The following REEP1 variants were observed in gnomAD, a reference collection of about 807,000 sequenced individuals.
REEP1 encodes the protein receptor expression-enhancing protein 1.
Under a neutral mutation model 40.3 loss-of-function variants are expected in REEP1, and 22 were observed. The observed-to-expected ratio is 0.55, with a 90% confidence interval of 0.39 to 0.78. REEP1 has a LOEUF of 0.78. REEP1 is among the 30% of genes least tolerant of loss of function. The pLI, the probability that REEP1 is intolerant of heterozygous loss-of-function variation, is 0.00. For missense variants in REEP1, 280 were observed against 361.1 expected, an observed-to-expected ratio of 0.78 and a Z score of 1.82; for synonymous variants, 116 against 139.2, an observed-to-expected ratio of 0.83 and a Z score of 1.17.
chr2:86,324,598 G>A (rs932971444), intron 1 of REEP1, among the ~76,000 whole-genome samples: 6 of 152,136 alleles, frequency 3.9e-5, no homozygotes, highest in African/African-American at 1.2e-4. Context: ...TTGCCAAGCC[G>A]GACATCAAGA....
chr2:86,307,545 T>C (rs1018522596), intron 1 of REEP1, among the ~76,000 whole-genome samples: 2 of 152,172 alleles, frequency 1.3e-5, no homozygotes, highest in African/African-American at 2.4e-5. Flanking sequence ...GGAGGATCAC[T>C]TGAGCCCAAA....
chr2:86,317,570 G>A (rs557048791), intron 1 of REEP1, among the ~76,000 whole-genome samples: 2 of 152,270 alleles, frequency 1.3e-5, no homozygotes, highest in Non-Finnish European at 2.9e-5. Flanking sequence ...ACCAATGAAA[G>A]GTAAAACTGC....
intron 1 of REEP1, among the ~76,000 whole-genome samples, chr2:86,320,038 G>T (rs1680210514): frequency 6.6e-6 from 1 of 152,202 alleles, no homozygotes; most frequent in Non-Finnish European, 1.5e-5. Context: ...ATAAATTTTT[G>T]TCAGTTTAAG....
chr2:86,276,170 C>T (rs149959253), intron 2 of REEP1, among the ~76,000 whole-genome samples: 1 of 152,306 alleles, frequency 6.6e-6, no homozygotes, highest in Non-Finnish European at 1.5e-5. Flanking sequence ...CCAAGGCTGA[C>T]CTGGCCACAA....
chr2:86,337,465 A>G lies in REEP1; in HGVS notation c.32+14T>C. 1 of 1,275,646 alleles carries G rather than the reference A, an allele frequency of 7.8e-7. No individual in the cohort carries two copies. The highest frequency in any genetic ancestry group is 3.6e-5 in the Admixed American group (1 of 27,768). 79.0% of individuals were successfully genotyped at this position (1,275,646 alleles called of 1,614,324 possible). A position where few individuals can be genotyped will look rare whatever the true frequency, so the allele number is the denominator to read the frequency against. On this transcript the variant is annotated intron_variant, in intron 1 of 8. Coordinates refer to ENST00000538924, the MANE Select transcript of REEP1 (RefSeq NM_001371279.1). The surrounding 1 kb of genome is among the most constrained non-coding windows in gnomAD (Gnocchi z 5.8). ...GGGAGGGGACGGAGGGGCGCGGGGG[A>G]GAAGGCCACTTACACCACCAGCCTG...
intron 6 of REEP1, among the ~76,000 whole-genome samples, chr2:86,232,267 T>C (rs1026368166): frequency 2.0e-5 from 3 of 152,186 alleles, no homozygotes; most frequent in Non-Finnish European, 4.4e-5. Flanking sequence ...CCCCGGAGTC[T>C]GAGAAGACAA....
At position 86,327,052 on chromosome 2, in the gene REEP1, G is replaced by T. The variant is rs182950710; in HGVS notation, c.32+10427C>A. Among the ~76,000 whole-genome samples, 332 of 152,308 alleles carry T rather than the reference G, an allele frequency of 2.2e-3. 1 individual carries two copies. Among genetic ancestry groups the T allele is most frequent in the Non-Finnish European group, 4.1e-3 (278 of 68,028 alleles). On this transcript the variant is annotated intron_variant, in intron 1 of 8. Coordinates refer to ENST00000538924, the MANE Select transcript of REEP1 (RefSeq NM_001371279.1). The stretch of plus-strand genomic sequence containing the variant: ...CATCTTCCTTGTCTGTCGAACAAGG[G>T]CATGACATCACCAAGACTCCTTCTA...
At chr2:86,265,984 A>G (rs1267485381) in intron 2 of REEP1, among the ~76,000 whole-genome samples, 8 of 152,254 alleles carry the variant, frequency 5.3e-5, no homozygotes. Context: ...GGTTTCCACA[A>G]TGAATCACAC....
Position 86,261,439 on chromosome 2 carries a change from C to T in REEP1, c.182+2526G>A, listed in dbSNP as rs147162788. Among the ~76,000 whole-genome samples the T allele has an allele frequency of 1.5e-3, 225 of 152,294 alleles. 2 individuals carry two copies. The highest frequency in any genetic ancestry group is 0.014 in the Middle Eastern group (4 of 294). ...TAATCTATAACCTTACCCCCAACCC[C>T]GTGCTCTCTGAAACATGTGCTGTGT... is the stretch of plus-strand genomic sequence containing the variant. On this transcript the variant is annotated intron_variant, in intron 3 of 8. Coordinates refer to ENST00000538924, the MANE Select transcript of REEP1 (RefSeq NM_001371279.1).
chr2:86,222,589 T>C (rs556899029), intron 7 of REEP1, among the ~76,000 whole-genome samples: 2 of 152,332 alleles, frequency 1.3e-5, no homozygotes, highest in East Asian at 3.9e-4. Flanking sequence ...TTAATAATTG[T>C]ATTTCCCTCT....
At chr2:86,228,704 C>T (rs976003277) in intron 6 of REEP1, among the ~76,000 whole-genome samples, 1 of 152,138 alleles carries the variant, frequency 6.6e-6, no homozygotes, top group Non-Finnish European at 1.5e-5. Context: ...GTGATCCACC[C>T]GCCTTGGCCT....
chr2:86,332,725 C>A (rs1680834585), intron 1 of REEP1, among the ~76,000 whole-genome samples: 1 of 152,220 alleles, frequency 6.6e-6, no homozygotes, highest in African/African-American at 2.4e-5. Context: ...TACTTCTCAG[C>A]AGACAGGCAG....
intron 1 of REEP1, among the ~76,000 whole-genome samples, chr2:86,326,833 C>T (rs1281637588): frequency 6.6e-6 from 1 of 152,234 alleles, no homozygotes; most frequent in African/African-American, 2.4e-5. Context: ...CTACTGGAAA[C>T]CTTTTCCTTC....
At chr2:86,295,067 C>T (rs150210288) in intron 1 of REEP1, among the ~76,000 whole-genome samples, 3 of 152,264 alleles carry the variant, frequency 2.0e-5, no homozygotes, top group African/African-American at 7.2e-5. Context: ...AGAAAAAAAG[C>T]AAGCTGGAAA....
chr2:86,262,210 C>A (rs1676900198), intron 3 of REEP1, among the ~76,000 whole-genome samples: 1 of 152,224 alleles, frequency 6.6e-6, no homozygotes, highest in Non-Finnish European at 1.5e-5. Context: ...TTTTCCAAGT[C>A]TCTCGTTCCA....
intron 1 of REEP1, among the ~76,000 whole-genome samples, chr2:86,306,755 C>T (rs60237707): frequency 0.03 from 4,585 of 152,212 alleles, 119 homozygotes; most frequent in East Asian, 0.07. Flanking sequence ...TATTCAGAGG[C>T]CAGGGCAGAG....
In REEP1 at chr2:86,216,827, A is replaced by C. The variant is rs548390243; in HGVS notation, c.*212T>G. The C allele has an allele frequency of 1.8e-6, 1 of 551,072 alleles. No individual in the cohort carries two copies. The highest frequency in any genetic ancestry group is 1.9e-5 in the African/African-American group (1 of 52,722). The allele number at this position is 551,072 out of a possible 1,614,324, so 34.1% of individuals were successfully genotyped here. A position where few individuals can be genotyped will look rare whatever the true frequency, so the allele number is the denominator to read the frequency against. ...CTTAAAGGTCACCACCCCCGCCCCTACTACCTTTCCCTTTAGCCTCTCCCC... is the reference window on the plus strand; with the variant it reads ...CTTAAAGGTCACCACCCCCGCCCCTCCTACCTTTCCCTTTAGCCTCTCCCC... On this transcript the variant is annotated 3_prime_UTR_variant, in exon 9 of 9. Transcript: ENST00000538924.
At chr2:86,320,419 ACTC>A (rs1680225815) in intron 1 of REEP1, among the ~76,000 whole-genome samples, 1 of 152,164 alleles carries the variant, frequency 6.6e-6, no homozygotes, top group African/African-American at 2.4e-5. Context: ...GGCCTAAAGA[ACTC>A]CTACAGATGA....
intron 1 of REEP1, among the ~76,000 whole-genome samples, chr2:86,302,224 C>T (rs1018583472): frequency 6.6e-6 from 1 of 152,204 alleles, no homozygotes; most frequent in Non-Finnish European, 1.5e-5. Flanking sequence ...AGAACACGGG[C>T]CCTTGTCACT....
Sources: gnomAD v4.1 joint callset for allele counts (sites outside exome capture counted in the v4.1 genomes callset) on GRCh38, gnomAD v4.1.1 for gene constraint, Gnocchi (gnomAD v3.1) non-coding constraint, MANE v1.5 for transcripts, NCBI Gene and HGNC (gene_info 2026-07-23, HGNC 2026-07-21) for gene names.